THSD7B: variants seen among roughly 807,000 people sequenced by gnomAD.
The protein encoded by THSD7B is thrombospondin type 1 domain containing 7B.
In THSD7B, 138 loss-of-function variants were observed where a neutral mutation model predicts 213.6. That is an observed-to-expected ratio of 0.65 (90% CI 0.56 to 0.74). THSD7B has a LOEUF of 0.74. Ranked by LOEUF, THSD7B falls within the 30% of genes least tolerant of loss-of-function variation. THSD7B has a pLI of 0.00. For synonymous variants in THSD7B, 742 were observed against 687.0 expected (o/e 1.08, Z -1.25); for missense variants, 1,931 against 1,991.5 (o/e 0.97, Z 0.58).
chr2:136,835,142 T>C (rs1408578285), intron 1 of THSD7B, among the ~76,000 whole-genome samples: 2 of 152,234 alleles, frequency 1.3e-5, no homozygotes, highest in African/African-American at 4.8e-5. Flanking sequence ...TCTATTTCTA[T>C]ACAAAGCTTA....
chr2:137,066,473 C>T (rs1218640132), intron 3 of THSD7B, among the ~76,000 whole-genome samples: 2 of 152,040 alleles, frequency 1.3e-5, no homozygotes, highest in Admixed American at 6.6e-5. Flanking sequence ...AGATTACAGG[C>T]GTGAGCCACT....
intron 12 of THSD7B, among the ~76,000 whole-genome samples, chr2:137,304,961 A>G (rs1416748273): frequency 6.6e-6 from 1 of 152,174 alleles, no homozygotes; most frequent in Non-Finnish European, 1.5e-5. Context: ...TCTTGAGGAT[A>G]TACCCATGGG....
intron 12 of THSD7B, among the ~76,000 whole-genome samples, chr2:137,303,494 G>A (rs1192808523): frequency 6.6e-6 from 1 of 150,942 alleles, no homozygotes; most frequent in Non-Finnish European, 1.5e-5. Context: ...TTAATAAACA[G>A]AATTAATGTG....
intron 12 of THSD7B, among the ~76,000 whole-genome samples, chr2:137,397,411 C>T (rs1219941586): frequency 6.6e-6 from 1 of 152,032 alleles, no homozygotes; most frequent in East Asian, 1.9e-4. Flanking sequence ...TTTTATTTCT[C>T]CTTCACTTAG....
chr2:137,419,372 G>GTTTTTTTTTTTTTTTTTTT (rs1246056674), intron 14 of THSD7B, among the ~76,000 whole-genome samples: 3 of 81,386 alleles, frequency 3.7e-5, no homozygotes, highest in Non-Finnish European at 6.8e-5. Flanking sequence ...TGGGTCCTGA[G>GTTTTTTTTTTTTTTTTTTT]TTCTTGTCCC....
At chr2:136,955,600 G>A (rs1685110549) in intron 2 of THSD7B, among the ~76,000 whole-genome samples, 1 of 152,110 alleles carries the variant, frequency 6.6e-6, no homozygotes, top group Admixed American at 6.5e-5. Flanking sequence ...TAGGACATGA[G>A]TTTTCTTATA....
At chr2:137,579,531 C>T (rs560461385) in intron 17 of THSD7B, among the ~76,000 whole-genome samples, 25 of 151,166 alleles carry the variant, frequency 1.7e-4, no homozygotes, top group Middle Eastern at 3.4e-3. Flanking sequence ...CACACACACG[C>T]GCGTGCGCAC....
At chr2:136,854,417 C>T (rs1683148175) in intron 1 of THSD7B, among the ~76,000 whole-genome samples, 1 of 151,814 alleles carries the variant, frequency 6.6e-6, no homozygotes, top group Admixed American at 6.6e-5. Context: ...AGATTTACTT[C>T]TTTGCTTCAT....
At chr2:137,026,225 A>G (rs558157118) in intron 2 of THSD7B, among the ~76,000 whole-genome samples, 3 of 152,310 alleles carry the variant, frequency 2.0e-5, no homozygotes, top group South Asian at 4.1e-4. Flanking sequence ...ACTTTGGGAC[A>G]GGGAATATGA....
chr2:137,337,978 C>T (rs999734206), intron 12 of THSD7B, among the ~76,000 whole-genome samples: 1 of 151,932 alleles, frequency 6.6e-6, no homozygotes, highest in African/African-American at 2.4e-5. Context: ...TTATTTAGTG[C>T]TATATACAAA....
At chr2:137,478,182 T>C (rs1451029600) in intron 15 of THSD7B, among the ~76,000 whole-genome samples, 1 of 152,210 alleles carries the variant, frequency 6.6e-6, no homozygotes, top group East Asian at 1.9e-4. Flanking sequence ...ATAGGTTTTC[T>C]ATCCCTTTTG....
intron 27 of THSD7B, among the ~76,000 whole-genome samples, chr2:137,670,851 G>A (rs188872969): frequency 0.014 from 2,149 of 148,460 alleles, 49 homozygotes; most frequent in African/African-American, 0.049. Flanking sequence ...AACCCGGGAG[G>A]CGGAGCTTGC....
chr2:137,519,342 A>G (rs546935301), intron 15 of THSD7B, among the ~76,000 whole-genome samples: 2 of 152,350 alleles, frequency 1.3e-5, no homozygotes, highest in South Asian at 2.1e-4. Flanking sequence ...ACTGATGTCC[A>G]TAAGAGTTTT....
intron 2 of THSD7B, among the ~76,000 whole-genome samples, chr2:136,936,673 A>C (rs1030849560): frequency 6.6e-6 from 1 of 152,182 alleles, no homozygotes. Flanking sequence ...CTCAGGAGAA[A>C]GGGTGGGAAG....
intron 12 of THSD7B, among the ~76,000 whole-genome samples, chr2:137,277,686 G>A (rs1682904559): frequency 6.6e-6 from 1 of 152,102 alleles, no homozygotes; most frequent in Non-Finnish European, 1.5e-5. Flanking sequence ...TGGAGATATG[G>A]CAAAGTATTT....
chr2:137,590,148 C>A (rs1235333035), intron 17 of THSD7B, among the ~76,000 whole-genome samples: 2 of 152,068 alleles, frequency 1.3e-5, no homozygotes. Context: ...TCACAATATT[C>A]TTTTGTGCAA....
intron 1 of THSD7B, among the ~76,000 whole-genome samples, chr2:136,876,410 T>A (rs1008330616): frequency 1.3e-5 from 2 of 152,246 alleles, no homozygotes; most frequent in African/African-American, 4.8e-5. Flanking sequence ...TGATGTCTTC[T>A]GAAAAATGTC....
At chr2:136,806,698 T>G (rs1682288491) in intron 1 of THSD7B, among the ~76,000 whole-genome samples, 1 of 152,230 alleles carries the variant, frequency 6.6e-6, no homozygotes, top group Non-Finnish European at 1.5e-5. Context: ...TGCTAACTAT[T>G]GAACAAATAG....
intron 2 of THSD7B, among the ~76,000 whole-genome samples, chr2:136,991,518 ATCT>A (rs1685784171): frequency 2.0e-5 from 3 of 152,104 alleles, no homozygotes; most frequent in Non-Finnish European, 1.5e-5. Flanking sequence ...AGAGGGGGAC[ATCT>A]TCTCTCCTGG....
Sources: gnomAD v4.1 joint callset for allele counts (sites outside exome capture counted in the v4.1 genomes callset) on GRCh38, gnomAD v4.1.1 for gene constraint, MANE v1.5 for transcripts, NCBI Gene and HGNC (gene_info 2026-07-23, HGNC 2026-07-21) for gene names.